TNR: variants seen among roughly 807,000 people sequenced by gnomAD.
TNR encodes tenascin-R.
TNR carries 45 observed loss-of-function variants against 150.4 expected under a neutral mutation model. The ratio of observed to expected loss-of-function variants is 0.30; its 90% CI spans 0.24 to 0.38. TNR has a LOEUF of 0.38. TNR is among the 10% of genes least tolerant of loss of function. The probability of loss-of-function intolerance (pLI) is 1.00; values close to 1 mark genes in which losing one functional copy is unlikely to be tolerated. For missense variants in TNR, 1,544 were observed against 1,759.1 expected (o/e 0.88, Z 2.19); for synonymous variants, 687 against 678.4 (o/e 1.01, Z -0.20).
rs10655316 is a variant in TNR, at chr1:175,729,414, C to CCTCTCTCT, written c.-165+13804_-165+13811dup. Among the ~76,000 whole-genome samples, 12 of 149,026 alleles carry CCTCTCTCT rather than the reference C, an allele frequency of 8.1e-5. No homozygotes were observed. In the South Asian group the frequency reaches 8.6e-4, roughly 11 times the overall value. ...GAGCATTCAAGTTTCTGGTGTAAGGCCTCTCTCTCTCTCTCTCTCTCTGTC... is the reference window on the plus strand; with the variant it reads ...GAGCATTCAAGTTTCTGGTGTAAGGCCTCTCTCTCTCTCTCTCTCTCTCTCTCTCTGTC... On this transcript the variant is annotated intron_variant, in intron 1 of 22. Coordinates refer to ENST00000367674, the MANE Select transcript of TNR (RefSeq NM_003285.3).
chr1:175,484,721 C>T (rs951098971), intron 2 of TNR, among the ~76,000 whole-genome samples: 2 of 152,108 alleles, frequency 1.3e-5, no homozygotes, highest in African/African-American at 2.4e-5. Flanking sequence ...AAATTGGTGA[C>T]GATAATGGTA....
intron 7 of TNR, among the ~76,000 whole-genome samples, chr1:175,387,684 G>A (rs1271903723): frequency 6.6e-6 from 1 of 152,200 alleles, no homozygotes; most frequent in Non-Finnish European, 1.5e-5. Context: ...GCTAGTTTAA[G>A]TAAGTCTCTC....
chr1:175,555,622 A>G (rs1571601536), intron 1 of TNR, among the ~76,000 whole-genome samples: 1 of 152,246 alleles, frequency 6.6e-6, no homozygotes, highest in Non-Finnish European at 1.5e-5. Flanking sequence ...ACACACCATG[A>G]GCTAGTCATC....
At chr1:175,596,069 T>C (rs74754246) in intron 1 of TNR, among the ~76,000 whole-genome samples, 2,344 of 152,280 alleles carry the variant, frequency 0.015, 56 homozygotes, top group African/African-American at 0.053. Flanking sequence ...TCTAGTTTCA[T>C]TGGAAAATTC....
rs371963732 is a variant in TNR at position 175,564,759 on chromosome 1, G to A, written c.-164-36390C>T. 1.8e-4 allele frequency among the ~76,000 whole-genome samples: 27 copies of A among 152,302 alleles called. No homozygotes were observed. The East Asian group carries it at 2.9e-3, about 16-fold the overall frequency. On this transcript the variant is annotated intron_variant, in intron 1 of 22. Coordinates refer to ENST00000367674, the MANE Select transcript of TNR (RefSeq NM_003285.3). ...TTCTGAGCCCTTCTGCATTCTTGCT[G>A]TATTGAAGCAGGCAGGCCCTGGGAA...
At chr1:175,382,270 G>A (rs1057082852) in intron 8 of TNR, among the ~76,000 whole-genome samples, 14 of 152,210 alleles carry the variant, frequency 9.2e-5, no homozygotes, top group African/African-American at 3.4e-4. Flanking sequence ...GTAGGTGTTC[G>A]ATAAGCACAC....
chr1:175,574,840 G>C (rs772844975), intron 1 of TNR, among the ~76,000 whole-genome samples: 3 of 152,210 alleles, frequency 2.0e-5, no homozygotes, highest in Non-Finnish European at 2.9e-5. Flanking sequence ...GAAAGCACAT[G>C]AGCTCCGTTC....
At chr1:175,670,568 C>T (rs1665668161) in intron 1 of TNR, among the ~76,000 whole-genome samples, 2 of 152,246 alleles carry the variant, frequency 1.3e-5, no homozygotes, top group South Asian at 2.1e-4. Flanking sequence ...CAGCTCCACA[C>T]GGGAACACAA....
chr1:175,499,875 T>G (rs2861311), intron 2 of TNR, among the ~76,000 whole-genome samples: 77,797 of 151,952 alleles, frequency 0.51, 20,427 homozygotes, highest in East Asian at 0.62. Context: ...ACGTAACTAC[T>G]GTTGCCCCTA....
intron 2 of TNR, among the ~76,000 whole-genome samples, chr1:175,500,380 C>T (rs1374000827): frequency 6.6e-6 from 1 of 152,110 alleles, no homozygotes; most frequent in Non-Finnish European, 1.5e-5. Context: ...GGATTTGGGG[C>T]CTGGGAGGGC....
chr1:175,398,306 C>G (rs114882881), intron 4 of TNR, among the ~76,000 whole-genome samples: 1 of 152,132 alleles, frequency 6.6e-6, no homozygotes, highest in Non-Finnish European at 1.5e-5. Flanking sequence ...GAAAGCAGAG[C>G]TTCTTGAGGA....
In TNR at chr1:175,657,883, A is replaced by ATATATATATATGTG. The variant is rs1464419575; in HGVS notation, c.-165+85342_-165+85343insCACATATATATATA. ...TATATATATATATATATATATATAT[A>ATATATATATATGTG]TGTAACAAACCTGCACGTTGTGCAC... On this transcript the variant is annotated intron_variant, in intron 1 of 22. Transcript: ENST00000367674. 1.3e-3 allele frequency among the ~76,000 whole-genome samples: 129 copies of ATATATATATATGTG among 101,088 alleles called. 9 individuals are homozygous for ATATATATATATGTG. Among genetic ancestry groups the ATATATATATATGTG allele is most frequent in the East Asian group, 6.9e-3 (29 of 4,178 alleles). 66.3% of individuals were successfully genotyped at this position (101,088 alleles called of 152,430 possible). A position where few individuals can be genotyped will look rare whatever the true frequency, so the allele number is the denominator to read the frequency against.
At chr1:175,353,257 C>T (rs1651151614) in intron 18 of TNR, among the ~76,000 whole-genome samples, 1 of 152,170 alleles carries the variant, frequency 6.6e-6, no homozygotes, top group Non-Finnish European at 1.5e-5. Flanking sequence ...TGAGTTACCT[C>T]ACCTCTCTGT....
rs202011833 is a variant in TNR at position 175,366,105 on chromosome 1, G to T, written c.2087C>A (p.Ala696Asp). ...LDSPRDLMVT[A>D]SSETSISLIW... is the part of the protein sequence containing the mutation. ...GAGGGAGATGGAGGTCTCCGAGGAG[G>T]CTGTCACCATGAGGTCTCGGGGACT... The change falls in exon 11 of 23, where the codon GCC (alanine) becomes GAC (aspartate). Residue 696 changes from alanine to aspartate, a missense_variant. Physicochemically the swap from Ala to Asp is moderately radical, Grantham distance 126. This residue lies in a region of TNR where 1,254 missense variants were observed against 1,329.4 expected (regional missense o/e 0.94). Coordinates refer to ENST00000367674, the MANE Select transcript of TNR (RefSeq NM_003285.3). 6.2e-6 allele frequency: 10 copies of T among 1,612,154 alleles called. No individual in the cohort carries two copies. Among genetic ancestry groups the T allele is most frequent in the Non-Finnish European group, 8.5e-6 (10 of 1,178,730 alleles).
chr1:175,366,130 T>G lies in TNR; in HGVS notation c.2062A>C (p.Ser688Arg). ...ATMNARTELDSPRDLMVTASS... is the reference protein window; with the variant it reads ...ATMNARTELDRPRDLMVTASS... Reference sequence around the variant, plus strand: ...GCTGTCACCATGAGGTCTCGGGGACTGTCAAGTTCTGTGGATTGACATAAA... The same window carrying G: ...GCTGTCACCATGAGGTCTCGGGGACGGTCAAGTTCTGTGGATTGACATAAA... Residue 688 changes from serine to arginine, a missense_variant, in exon 11 of 23, where the codon AGT becomes CGT. Transcript: ENST00000367674. 2.5e-6 allele frequency: 4 copies of G among 1,599,634 alleles called. No individual in the cohort carries two copies. The highest frequency in any genetic ancestry group is 1.1e-5 in the South Asian group (1 of 88,644).
intron 2 of TNR, among the ~76,000 whole-genome samples, chr1:175,473,115 T>G (rs1347003810): frequency 6.6e-6 from 1 of 152,146 alleles, no homozygotes; most frequent in Non-Finnish European, 1.5e-5. Flanking sequence ...CCTTTTGAAT[T>G]GTTATATTTC....
chr1:175,504,762 G>A (rs927031677), intron 2 of TNR, among the ~76,000 whole-genome samples: 1 of 152,184 alleles, frequency 6.6e-6, no homozygotes, highest in Non-Finnish European at 1.5e-5. Context: ...CCATGTGTTG[G>A]AGCCCTAGTC....
chr1:175,426,907 TATATATATAAAATATAA>T (rs1446084177), intron 2 of TNR, among the ~76,000 whole-genome samples: 2 of 65,870 alleles, frequency 3.0e-5, no homozygotes, highest in African/African-American at 6.6e-5. Context: ...TAAAATATAT[TATATATATAAAATATAA>T]ATATATATAA....
chr1:175,349,483 A>C (rs945638888), intron 18 of TNR, among the ~76,000 whole-genome samples: 2 of 152,220 alleles, frequency 1.3e-5, no homozygotes, highest in African/African-American at 4.8e-5. Flanking sequence ...AACTATGAGA[A>C]TAGGGAATGA....
Sources: allele counts gnomAD v4.1 joint callset (sites outside exome capture counted in the v4.1 genomes callset), GRCh38; gene constraint gnomAD v4.1.1; regional missense constraint gnomAD v4.1.1; transcripts MANE v1.5; gene names NCBI Gene and HGNC (gene_info 2026-07-23, HGNC 2026-07-21).